Variants in ALPK3 observed in about 807,000 individuals in gnomAD.
The protein encoded by ALPK3 is alpha-protein kinase 3.
A neutral mutation model predicts 140.0 loss-of-function variants in ALPK3; 102 were observed. The ratio of observed to expected loss-of-function variants is 0.73; its 90% CI spans 0.62 to 0.86. ALPK3 has a LOEUF of 0.86. Ranked by LOEUF, ALPK3 falls within the 40% of genes least tolerant of loss-of-function variation. ALPK3 has a pLI of 0.00. For missense variants in ALPK3, 2,254 were observed against 2,208.2 expected, an observed-to-expected ratio of 1.02 and a Z score of -0.42; for synonymous variants, 938 against 898.5, an observed-to-expected ratio of 1.04 and a Z score of -0.79.
intron 11 of ALPK3, 128 bp downstream of exon 11, chr15:84,863,768 C>T (rs1963974654): frequency 1.2e-6 from 1 of 846,086 alleles, no homozygotes; most frequent in Non-Finnish European, 1.8e-6. Flanking sequence ...CTCACAGCCC[C>T]ATGCTCAGCT....
chr15:84,826,175 A>G (rs1402053956), intron 2 of ALPK3, among the ~76,000 whole-genome samples: 2 of 152,022 alleles, frequency 1.3e-5, no homozygotes, highest in Non-Finnish European at 2.9e-5. Context: ...TTCTCCTCAA[A>G]CTCAAGTCTA....
chr15:84,826,900 C>CA (rs1448197154), intron 2 of ALPK3, among the ~76,000 whole-genome samples: 3 of 152,278 alleles, frequency 2.0e-5, no homozygotes, highest in Admixed American at 2.0e-4. Context: ...TAGAGTCCCC[C>CA]CTTGGGTCTA....
intron 2 of ALPK3, among the ~76,000 whole-genome samples, chr15:84,826,387 A>C (rs1355216156): frequency 6.6e-6 from 1 of 151,928 alleles, no homozygotes; most frequent in Non-Finnish European, 1.5e-5. Flanking sequence ...TGTCTTTCTC[A>C]CTACAGTTTC....
chr15:84,847,441 G>A (rs1003494604), intron 5 of ALPK3, among the ~76,000 whole-genome samples: 1 of 152,068 alleles, frequency 6.6e-6, no homozygotes. Context: ...CCCTAAACAG[G>A]AAAAGCCCAT....
chr15:84,839,982 C>A lies in ALPK3; in HGVS notation c.703C>A (p.Pro235Thr), dbSNP rs1238212189. The change falls in exon 5 of 14, where the codon CCC (proline) becomes ACC (threonine). Residue 235 changes from proline (P) to threonine (T), a missense_variant. Pro to Thr is a conservative substitution (Grantham distance 38). Around this residue, in one of 3 missense-constraint regions of ALPK3, gnomAD observed 2,088 missense variants for 2,022.9 expected, o/e 1.03. Transcript: ENST00000258888. ...ATTGAGCGGGGCTCAAGCGCCGGGCCCCTCGGTCCCTACCAGGGAGCCTGA... is the reference window on the plus strand; with the variant it reads ...ATTGAGCGGGGCTCAAGCGCCGGGCACCTCGGTCCCTACCAGGGAGCCTGA... The part of the protein sequence containing the change: ...RRLSGAQAPG[P>T]SVPTREPEGG... 5 of 1,612,536 alleles carry A rather than the reference C, an allele frequency of 3.1e-6. No individual in the cohort carries two copies. Among genetic ancestry groups the A allele is most frequent in the South Asian group, 1.1e-5 (1 of 91,020 alleles).
chr15:84,857,074 T>C lies in ALPK3; in HGVS notation c.2336T>C (p.Val779Ala), dbSNP rs1180127487. The change falls in exon 6 of 14, where the codon GTA becomes GCA. Residue 779 changes from valine to alanine, a missense_variant. By Grantham distance (64) the Val-to-Ala change is moderately conservative (BLOSUM62 0). Transcript: ENST00000258888. ...PGCLPRSEEA[V>A]VTASRNHEQT... ...TGCCTGCCCAGATCTGAGGAGGCAGTAGTAACAGCCTCCAGGAACCATGAG... is the reference window on the plus strand; with the variant it reads ...TGCCTGCCCAGATCTGAGGAGGCAGCAGTAACAGCCTCCAGGAACCATGAG... 3 of 1,613,992 alleles carry C rather than the reference T, an allele frequency of 1.9e-6. No homozygotes were observed. The highest frequency in any genetic ancestry group is 1.7e-5 in the Admixed American group (1 of 59,998).
chr15:84,867,264 G>A, intron 12 of ALPK3, 53 bp from the exon 13 acceptor site: 2 of 1,598,496 alleles, frequency 1.3e-6, no homozygotes, highest in East Asian at 4.5e-5. Flanking sequence ...GGAGATGTGG[G>A]GGCTTAGAGC....
rs1964012904 is a variant in ALPK3 at position 84,867,308 on chromosome 15, T to C, written c.4724-9T>C. On this transcript the variant is annotated splice_polypyrimidine_tract_variant and intron_variant, in intron 12 of 13. Coordinates refer to ENST00000258888, the MANE Select transcript of ALPK3 (RefSeq NM_020778.5). ...ACTGGCATCAACTCCCAACTTTCTC[T>C]CTTTTCAGGGGTTGACTGGAAGATG... 2.5e-6 allele frequency: 4 copies of C among 1,613,826 alleles called. No individual in the cohort carries two copies. The highest frequency in any genetic ancestry group is 3.4e-6 in the Non-Finnish European group (4 of 1,179,888).
At chr15:84,819,717 G>A (rs1033779792) in intron 1 of ALPK3, among the ~76,000 whole-genome samples, 3 of 152,224 alleles carry the variant, frequency 2.0e-5, no homozygotes, top group African/African-American at 7.2e-5. Flanking sequence ...AGTCCTGACT[G>A]AGAGGCAAGT....
At chr15:84,849,254 A>G (rs1963772510) in intron 5 of ALPK3, among the ~76,000 whole-genome samples, 1 of 152,222 alleles carries the variant, frequency 6.6e-6, no homozygotes, top group Non-Finnish European at 1.5e-5. Flanking sequence ...ATACCTTCAA[A>G]ATACATGAAG....
chr15:84,856,861 AG>A lies in ALPK3; in HGVS notation c.2127del (p.Thr710ArgfsTer42), dbSNP rs1963867873. The A allele has an allele frequency of 1.2e-6, 2 of 1,614,058 alleles. No homozygotes were observed. The highest frequency in any genetic ancestry group is 1.7e-6 in the Non-Finnish European group (2 of 1,180,020). Reference sequence around the variant, plus strand: ...GGAGAGAAGGGGATGCAGGGAGAGAAGGGGACGCAGTCAGAGGGGAGCGCGC... The same window carrying A: ...GGAGAGAAGGGGATGCAGGGAGAGAAGGGACGCAGTCAGAGGGGAGCGCGC... ...MQGEKGMQGEKGTQSEGSAPT... is the reference protein window; with the variant it reads ...MQGEKGMQGEXGTQSEGSAPT... On this transcript the variant is annotated frameshift_variant, in exon 6 of 14. Transcript: ENST00000258888. LOFTEE classifies it high-confidence loss of function.
Position 84,868,374 on chromosome 15 carries a change from A to G in ALPK3, c.5036A>G (p.Gln1679Arg), listed in dbSNP as rs576023680. The G allele has an allele frequency of 5.0e-6, 8 of 1,613,910 alleles. No individual in the cohort carries two copies. The East Asian group carries it at 1.8e-4, about 36-fold the overall frequency. Residue 1679 changes from glutamine (Q) to arginine (R), a missense_variant, in exon 14 of 14, where the codon CAG (glutamine) becomes CGG (arginine). By Grantham distance (43) the Gln-to-Arg change is conservative. Transcript: ENST00000258888. Reference sequence around the variant, plus strand: ...GCTCCAAGTTCCAAGGCCACCCCTCAGGCCTCAGAGCCAGTCACCACTCAG... The same window carrying G: ...GCTCCAAGTTCCAAGGCCACCCCTCGGGCCTCAGAGCCAGTCACCACTCAG... ...KSAPSSKATP[Q>R]ASEPVTTQLL...
intron 1 of ALPK3, among the ~76,000 whole-genome samples, chr15:84,821,054 G>C (rs1394601807): frequency 6.6e-6 from 1 of 151,942 alleles, no homozygotes; most frequent in Non-Finnish European, 1.5e-5. Flanking sequence ...GTGGCACGAA[G>C]AACTCTTTAA....
rs1240962151 is a variant in ALPK3, at chr15:84,857,647, T to C, written c.2909T>C (p.Leu970Pro). The C allele has an allele frequency of 1.9e-6, 3 of 1,592,846 alleles. No homozygotes were observed. The highest frequency in any genetic ancestry group is 2.6e-6 in the Non-Finnish European group (3 of 1,165,664). Residue 970 changes from leucine to proline, a missense_variant, in exon 6 of 14, where the codon CTG becomes CCG. Physicochemically the swap from Leu to Pro is moderately conservative, Grantham distance 98. This residue lies in a region of ALPK3 where 2,088 missense variants were observed against 2,022.9 expected (regional missense o/e 1.03). Transcript: ENST00000258888. ...AACTACCTGCTTCTGCTGCTGAAGC[T>C]GTCCAGCACAGAGACAAGTGGAGCA... is the stretch of plus-strand genomic sequence containing the variant. ...LKNYLLLLLK[L>P]SSTETSGAGG...
chr15:84,857,837 C>A lies in ALPK3; in HGVS notation c.3099C>A (p.Ser1033Arg). 6.2e-7 allele frequency: 1 copy of A among 1,611,568 alleles called. No homozygotes were observed. Among genetic ancestry groups the A allele is most frequent in the Non-Finnish European group, 8.5e-7 (1 of 1,178,698 alleles). Residue 1033 changes from serine (S) to arginine (R), a missense_variant, in exon 6 of 14, where the codon AGC becomes AGA. Around this residue, in one of 3 missense-constraint regions of ALPK3, gnomAD observed 2,088 missense variants for 2,022.9 expected, o/e 1.03. Transcript: ENST00000258888. ...AGAGTGCACAGACCCTGCTGCTGAG[C>A]CCCTGTACCTCCCGCCGCCTCACCG... Reference protein sequence around the residue: ...LVQSAQTLLLSPCTSRRLTGL... With the variant: ...LVQSAQTLLLRPCTSRRLTGL...
intron 9 of ALPK3, among the ~76,000 whole-genome samples, chr15:84,862,069 A>G (rs1963950924): frequency 6.6e-6 from 1 of 152,134 alleles, no homozygotes; most frequent in Non-Finnish European, 1.5e-5. Context: ...TCCTTGCTGT[A>G]CACTTTCTGC....
intron 6 of ALPK3, 78 bp downstream of exon 6, chr15:84,858,633 C>A: frequency 6.8e-7 from 1 of 1,474,194 alleles, no homozygotes; most frequent in South Asian, 1.4e-5. Flanking sequence ...GCTAACAGCA[C>A]TACCCCATGA....
chr15:84,860,206 G>A (rs1011976825), intron 9 of ALPK3, 134 bp downstream of exon 9: 3 of 1,131,230 alleles, frequency 2.7e-6, no homozygotes, highest in Non-Finnish European at 3.9e-6. Context: ...GATATGGCTT[G>A]GGAGATGATG....
At chr15:84,867,183 G>T in intron 12 of ALPK3, 134 bp from the exon 13 acceptor site, 1 of 572,736 alleles carries the variant, frequency 1.7e-6, no homozygotes. Flanking sequence ...GCCAGCCTGG[G>T]CTGGTTCTAA....
Sources: gnomAD v4.1 joint callset for allele counts (sites outside exome capture counted in the v4.1 genomes callset) on GRCh38, gnomAD v4.1.1 for gene constraint, gnomAD v4.1.1 regional missense constraint, MANE v1.5 for transcripts, NCBI Gene and HGNC (gene_info 2026-07-23, HGNC 2026-07-21) for gene names.